HTR2C: variants seen among roughly 807,000 people sequenced by gnomAD.
The protein encoded by HTR2C is 5-hydroxytryptamine receptor 2C, also known as 5-hydroxytryptamine (serotonin) receptor 2C, G protein-coupled.
In HTR2C, 5 loss-of-function variants were observed where a neutral mutation model predicts 21.0. The observed-to-expected ratio is 0.24, with a 90% CI of 0.12 to 0.50. The LOEUF is 0.50. Among genes scored for constraint, HTR2C ranks in the 20% least tolerant of loss-of-function variants. The pLI is 0.98. For missense variants in HTR2C, 271 were observed against 371.2 expected (o/e 0.73, Z 2.22); for synonymous variants, 150 against 145.3 (o/e 1.03, Z -0.23).
At position 114,774,995 on chromosome X, in the gene HTR2C, A is replaced by G. The variant is rs2070042395; in HGVS notation, c.349+43388A>G. ...TCCAGCTCTGTCTGCTGATGTTCAA[A>G]TTCTTCCTTCTTAGCAGCCTGATTC... On this transcript the variant is annotated intron_variant, in intron 4 of 5. Transcript: ENST00000276198. 3 of 490,608 alleles carry G rather than the reference A, an allele frequency of 6.1e-6. No homozygotes were observed. In the Admixed American group the frequency reaches 8.0e-5, roughly 13 times the overall value. The allele number at this position is 490,608 out of a possible 1,213,427, so 40.4% of individuals were successfully genotyped here.
At chrX:114,880,616 T>C (rs2071173696) in intron 5 of HTR2C, among the ~76,000 whole-genome samples, 1 of 111,309 alleles carries the variant, frequency 9.0e-6, no homozygotes, top group South Asian at 3.7e-4. Flanking sequence ...ACGAATTGAC[T>C]ATCTGTCTCT....
At chrX:114,650,269 G>C (rs782181222) in intron 2 of HTR2C, among the ~76,000 whole-genome samples, 40 of 111,895 alleles carry the variant, frequency 3.6e-4, no homozygotes, top group African/African-American at 1.3e-3. Flanking sequence ...AATGTATTAA[G>C]AGGATTCAGA....
intron 5 of HTR2C, among the ~76,000 whole-genome samples, chrX:114,887,086 C>A (rs782739851): frequency 1.8e-5 from 2 of 112,037 alleles, no homozygotes; most frequent in African/African-American, 6.5e-5. Context: ...AAGACAAAGT[C>A]TTTTAAAGGA....
intron 5 of HTR2C, among the ~76,000 whole-genome samples, chrX:114,887,483 C>A (rs782591309): frequency 2.7e-5 from 3 of 111,032 alleles, no homozygotes; most frequent in Admixed American, 9.6e-5. Context: ...TATAGATATT[C>A]TTTGTATTTT....
At chrX:114,835,765 TGAG>T (rs1400695233) in intron 4 of HTR2C, among the ~76,000 whole-genome samples, 1 of 111,875 alleles carries the variant, frequency 8.9e-6, no homozygotes, top group East Asian at 2.8e-4. Context: ...GCGTTCCTTT[TGAG>T]GAGGAGAGGC....
intron 4 of HTR2C, among the ~76,000 whole-genome samples, chrX:114,787,979 A>T (rs2070194861): frequency 1.8e-5 from 2 of 110,383 alleles, no homozygotes; most frequent in African/African-American, 3.3e-5. Flanking sequence ...ATCCTAAAAA[A>T]ATTCCCTGGA....
At chrX:114,813,129 C>T (rs185136796) in intron 4 of HTR2C, among the ~76,000 whole-genome samples, 136 of 111,864 alleles carry the variant, frequency 1.2e-3, no homozygotes, top group African/African-American at 4.2e-3. Context: ...TTATATACAA[C>T]CAAAATATAT....
intron 2 of HTR2C, among the ~76,000 whole-genome samples, chrX:114,655,446 A>T (rs1283696767): frequency 1.8e-5 from 2 of 112,015 alleles, no homozygotes; most frequent in Non-Finnish European, 3.8e-5. Context: ...CCCATATTGG[A>T]GTATGGCTAA....
At chrX:114,817,374 C>T (rs1556454875) in intron 4 of HTR2C, among the ~76,000 whole-genome samples, 1 of 111,359 alleles carries the variant, frequency 9.0e-6, no homozygotes, top group African/African-American at 3.2e-5. Context: ...GTGTTCATAA[C>T]ACAAAACTTA....
intron 4 of HTR2C, among the ~76,000 whole-genome samples, chrX:114,832,287 G>A (rs1602853182): frequency 4.4e-5 from 1 of 22,588 alleles, no homozygotes; most frequent in African/African-American, 1.3e-4. Flanking sequence ...AATTACCTTG[G>A]GCAGTATGGC....
intron 4 of HTR2C, among the ~76,000 whole-genome samples, chrX:114,831,253 G>C (rs2070723837): frequency 1.2e-5 from 1 of 80,132 alleles, no homozygotes; most frequent in Non-Finnish European, 2.5e-5. Context: ...TCTAGTTCTA[G>C]ATCCCTGAGG....
chrX:114,776,337 G>C, intron 4 of HTR2C: 1 of 719,005 alleles, frequency 1.4e-6, no homozygotes, highest in Non-Finnish European at 2.2e-6. Context: ...AAGTAAGCTG[G>C]CACTGTGACC....
intron 4 of HTR2C, among the ~76,000 whole-genome samples, chrX:114,814,849 T>C (rs1232621992): frequency 9.9e-6 from 1 of 101,289 alleles, no homozygotes; most frequent in Non-Finnish European, 2.0e-5. Flanking sequence ...ATATATATTA[T>C]AATACTCTAT....
chrX:114,868,618 A>T (rs1265167380), intron 5 of HTR2C, among the ~76,000 whole-genome samples: 1 of 112,417 alleles, frequency 8.9e-6, no homozygotes, highest in Admixed American at 9.4e-5. Context: ...ATAACTTTGC[A>T]TTCAATGCCT....
chrX:114,612,140 G>A (rs1169744205), intron 1 of HTR2C, among the ~76,000 whole-genome samples: 4 of 111,775 alleles, frequency 3.6e-5, no homozygotes, highest in African/African-American at 1.3e-4. Context: ...TTATTTAAAT[G>A]CGGCTATAAC....
chrX:114,724,416 C>T (rs1223870035), intron 2 of HTR2C, among the ~76,000 whole-genome samples: 11 of 102,752 alleles, frequency 1.1e-4, no homozygotes, highest in African/African-American at 1.4e-4. Context: ...TGTCTCTGCA[C>T]GTGAGATGGG....
chrX:114,902,085 A>C (rs1213839269), intron 5 of HTR2C, among the ~76,000 whole-genome samples: 2 of 111,837 alleles, frequency 1.8e-5, no homozygotes, highest in African/African-American at 6.5e-5. Flanking sequence ...TATTTGCTAA[A>C]CTTACTTAAT....
In HTR2C at chrX:114,909,016, C is replaced by A. The variant is rs1298874103; in HGVS notation, c.*1601C>A. 1 of 112,309 alleles carries A rather than the reference C, an allele frequency of 8.9e-6. No individual in the cohort carries two copies. The highest frequency in any genetic ancestry group is 3.2e-5 in the African/African-American group (1 of 30,857). The allele number at this position is 112,309 out of a possible 1,213,427, so 9.3% of individuals were successfully genotyped here. A position where few individuals can be genotyped will look rare whatever the true frequency, so the allele number is the denominator to read the frequency against. On this transcript the variant is annotated 3_prime_UTR_variant, in exon 6 of 6. Transcript: ENST00000276198. ...ATCTTAAAATTGGTTAATGAAAAATCTGAATTTCTAAAACCCTTGGTCTGT... is the reference window on the plus strand; with the variant it reads ...ATCTTAAAATTGGTTAATGAAAAATATGAATTTCTAAAACCCTTGGTCTGT...
chrX:114,701,821 A>G (rs1358214256), intron 2 of HTR2C, among the ~76,000 whole-genome samples: 1 of 111,882 alleles, frequency 8.9e-6, no homozygotes, highest in Non-Finnish European at 1.9e-5. Flanking sequence ...AAAAAAATTT[A>G]GACGAATGTA....
Sources: gnomAD v4.1 joint callset for allele counts (sites outside exome capture counted in the v4.1 genomes callset) on GRCh38, gnomAD v4.1.1 for gene constraint, MANE v1.5 for transcripts, NCBI Gene and HGNC (gene_info 2026-07-23, HGNC 2026-07-21) for gene names.